Variants in KAZN observed in about 807,000 individuals in gnomAD.
The protein encoded by KAZN is kazrin.
A neutral mutation model predicts 87.4 loss-of-function variants in KAZN; 40 were observed. That is an observed-to-expected ratio of 0.46 (90% confidence interval 0.36 to 0.60). KAZN has a LOEUF of 0.60. Among genes scored for constraint, KAZN ranks in the 20% least tolerant of loss-of-function variants. The pLI is 0.00. For missense variants in KAZN, 898 were observed against 1,073.9 expected (o/e 0.84, Z 2.29); for synonymous variants, 466 against 458.3 (o/e 1.02, Z -0.22).
At chr1:13,994,598 A>G (rs545231535) in intron 1 of KAZN, among the ~76,000 whole-genome samples, 2 of 152,310 alleles carry the variant, frequency 1.3e-5, no homozygotes, top group South Asian at 2.1e-4. Flanking sequence ...CTTTGTTCCT[A>G]GGAAGTTTAT....
At chr1:14,257,881 C>CA (rs1313049878) in intron 2 of KAZN, among the ~76,000 whole-genome samples, 1 of 122,464 alleles carries the variant, frequency 8.2e-6, no homozygotes, top group Non-Finnish European at 1.6e-5. Flanking sequence ...CAGCATGGCA[C>CA]ATGTATACAT....
At chr1:15,070,586 C>G (rs553978631) in intron 8 of KAZN, among the ~76,000 whole-genome samples, 7 of 152,204 alleles carry the variant, frequency 4.6e-5, no homozygotes, top group Non-Finnish European at 7.3e-5. Context: ...GTATCGTGCC[C>G]GTCACTCAAC....
chr1:13,994,816 G>A (rs1362821372), intron 1 of KAZN, among the ~76,000 whole-genome samples: 1 of 152,120 alleles, frequency 6.6e-6, no homozygotes, highest in Non-Finnish European at 1.5e-5. Context: ...TCCTTCCAAG[G>A]CTGGAGATGG....
In KAZN at chr1:14,564,578, C is replaced by T. The variant is rs575039112; in HGVS notation, c.250-34405C>T. Reference sequence around the variant, plus strand: ...CCCAGCACTTTAGGAGGCCGAGGTGCGTGGATCACGAGGTCAAGAGTTCAA... The same window carrying T: ...CCCAGCACTTTAGGAGGCCGAGGTGTGTGGATCACGAGGTCAAGAGTTCAA... On this transcript the variant is annotated intron_variant, in intron 2 of 16. Coordinates refer to the KAZN transcript ENST00000636203. Among the ~76,000 whole-genome samples the T allele has an allele frequency of 3.4e-4, 52 of 151,342 alleles. 1 individual carries two copies. Among genetic ancestry groups the T allele is most frequent in the African/African-American group, 1.2e-3 (50 of 41,224 alleles).
chr1:14,453,039 T>C (rs1413630932), intron 2 of KAZN, among the ~76,000 whole-genome samples: 5 of 152,164 alleles, frequency 3.3e-5, no homozygotes, highest in Non-Finnish European at 7.4e-5. Flanking sequence ...CACTGCAAGC[T>C]CTGCCTCCCG....
chr1:14,880,516 G>T (rs1264029440), intron 1 of KAZN, among the ~76,000 whole-genome samples: 1 of 152,170 alleles, frequency 6.6e-6, no homozygotes, highest in Non-Finnish European at 1.5e-5. Context: ...GGGATAGCTT[G>T]TTTCTGTTCC....
chr1:14,520,621 G>T (rs533470003), intron 2 of KAZN, among the ~76,000 whole-genome samples: 130 of 152,224 alleles, frequency 8.5e-4, no homozygotes, highest in Non-Finnish European at 1.6e-3. Flanking sequence ...GCTCTGAGGA[G>T]CCCAGGCAAG....
At chr1:14,669,800 G>A (rs905460921) in intron 1 of KAZN, among the ~76,000 whole-genome samples, 11 of 152,046 alleles carry the variant, frequency 7.2e-5, no homozygotes, top group South Asian at 4.2e-4. Context: ...TGTGAACCTC[G>A]TCTCCAATAT....
At chr1:14,463,256 A>G (rs993156360) in intron 2 of KAZN, among the ~76,000 whole-genome samples, 1 of 152,170 alleles carries the variant, frequency 6.6e-6, no homozygotes, top group Non-Finnish European at 1.5e-5. Context: ...GGAGCGTCTT[A>G]TGCTAATGAG....
At position 14,913,505 on chromosome 1, in the gene KAZN, A is replaced by G. The variant is rs141303588; in HGVS notation, c.227-47179A>G. Among the ~76,000 whole-genome samples the G allele has an allele frequency of 2.1e-3, 313 of 152,372 alleles. 2 individuals carry two copies. Among genetic ancestry groups the G allele is most frequent in the Non-Finnish European group, 2.8e-3 (189 of 68,036 alleles). On this transcript the variant is annotated intron_variant, in intron 1 of 14. Transcript: ENST00000376030. ...GAAGAATTTAGAACAAATTCTAATT[A>G]GTCCCATTGGGACTAGGGGCCATTA...
intron 4 of KAZN, among the ~76,000 whole-genome samples, chr1:15,050,361 G>T (rs76899852): frequency 0.067 from 10,179 of 151,990 alleles, 1,100 homozygotes; most frequent in African/African-American, 0.23. Flanking sequence ...CACTGGGGAG[G>T]AAGAGGCGTG....
In KAZN at chr1:14,385,810, C is replaced by A. The variant is rs1043010856; in HGVS notation, c.249+205218C>A. Among the ~76,000 whole-genome samples the A allele has an allele frequency of 1.7e-3, 248 of 149,420 alleles. 2 individuals are homozygous for A. Among genetic ancestry groups the A allele is most frequent in the Non-Finnish European group, 2.7e-3 (179 of 67,406 alleles). Reference sequence around the variant, plus strand: ...TTCTGTTGATTTGGGGTGGAGAGTTCTGTAGATGTCTATTAGGTCCGCTTG... The same window carrying A: ...TTCTGTTGATTTGGGGTGGAGAGTTATGTAGATGTCTATTAGGTCCGCTTG... On this transcript the variant is annotated intron_variant, in intron 2 of 16. Coordinates refer to the KAZN transcript ENST00000636203.
intron 8 of KAZN, among the ~76,000 whole-genome samples, chr1:15,085,036 C>T (rs760797438): frequency 2.0e-5 from 3 of 151,592 alleles, no homozygotes; most frequent in African/African-American, 2.4e-5. Context: ...ACAGATAAAA[C>T]GTTTTAGAAA....
chr1:14,514,389 ATATATATTT>A (rs1671123395), intron 2 of KAZN, among the ~76,000 whole-genome samples: 1 of 14,526 alleles, frequency 6.9e-5, no homozygotes, highest in Non-Finnish European at 1.4e-4. Context: ...TATATATATT[ATATATATTT>A]ATATATATAA....
At chr1:14,497,822 G>GA (rs373301711) in intron 2 of KAZN, among the ~76,000 whole-genome samples, 2,968 of 143,144 alleles carry the variant, frequency 0.021, 99 homozygotes, top group African/African-American at 0.068. Flanking sequence ...ATTTGAGATG[G>GA]AAAAAAAAAA....
At chr1:14,079,433 G>A (rs986527543) in intron 1 of KAZN, among the ~76,000 whole-genome samples, 7 of 152,278 alleles carry the variant, frequency 4.6e-5, no homozygotes, top group South Asian at 4.1e-4. Flanking sequence ...CATCAGAATC[G>A]TCTATTTTGG....
At chr1:14,157,787 A>G (rs1645626730) in intron 1 of KAZN, among the ~76,000 whole-genome samples, 1 of 152,182 alleles carries the variant, frequency 6.6e-6, no homozygotes, top group Admixed American at 6.5e-5. Flanking sequence ...TAATTGACTC[A>G]CACTTCTGCA....
At chr1:14,032,793 A>C (rs1166968508) in intron 1 of KAZN, among the ~76,000 whole-genome samples, 1 of 152,162 alleles carries the variant, frequency 6.6e-6, no homozygotes. Context: ...AATCACTATG[A>C]TCTTGGTAAT....
chr1:14,777,706 A>G (rs2100628168), intron 1 of KAZN, among the ~76,000 whole-genome samples: 1 of 152,326 alleles, frequency 6.6e-6, no homozygotes, highest in Middle Eastern at 3.4e-3. Context: ...GGGTCTGAAT[A>G]AATGGCTTGA....
Sources: gnomAD v4.1 joint callset for allele counts (sites outside exome capture counted in the v4.1 genomes callset) on GRCh38, gnomAD v4.1.1 for gene constraint, MANE v1.5 for transcripts, NCBI Gene and HGNC (gene_info 2026-07-23, HGNC 2026-07-21) for gene names.